LAMA1: variants seen among roughly 807,000 people sequenced by gnomAD.
LAMA1 encodes laminin subunit alpha-1.
LAMA1 carries 219 observed loss-of-function variants against 348.7 expected under a neutral mutation model. The observed-to-expected ratio is 0.63, with a 90% confidence interval of 0.56 to 0.70. The LOEUF (loss-of-function observed/expected upper bound fraction) is 0.70. Among genes scored for constraint, LAMA1 ranks in the 30% least tolerant of loss-of-function variants. LAMA1 has a pLI of 0.00. For missense variants in LAMA1, 3,744 were observed against 3,888.0 expected, an observed-to-expected ratio of 0.96 and a Z score of 0.99; for synonymous variants, 1,487 against 1,491.0, an observed-to-expected ratio of 1.00 and a Z score of 0.06.
intron 57 of LAMA1, chr18:6,954,412 G>A (rs2057564738): frequency 1.3e-5 from 2 of 152,562 alleles, no homozygotes; most frequent in Non-Finnish European, 2.9e-5. Flanking sequence ...GAAGAGGGGA[G>A]ATAGTGGTGG....
chr18:6,966,187 G>A lies in LAMA1; in HGVS notation c.7010C>T (p.Ser2337Leu). The A allele has an allele frequency of 6.2e-7, 1 of 1,614,130 alleles. No homozygotes were observed. The highest frequency in any genetic ancestry group is 1.7e-5 in the Admixed American group (1 of 60,024). Residue 2337 changes from serine (S) to leucine (L), a missense_variant, in exon 49 of 63, where the codon TCA (serine) becomes TTA (leucine). Around this residue, in one of 3 missense-constraint regions of LAMA1, gnomAD observed 1,983 missense variants for 1,934.3 expected, o/e 1.03. Transcript: ENST00000389658. The part of the protein sequence containing the change: ...TQIIMLFNTF[S>L]PNGLLLYLGS... ...CAGGTAGAGAAGAAGTCCATTAGGT[G>A]AAAAGGTATTAAAAAGCATGATTAT...
At position 7,079,834 on chromosome 18, in the gene LAMA1, T is replaced by C. The variant is rs144849141; in HGVS notation, c.345+141A>G. 338 of 707,082 alleles carry C rather than the reference T, an allele frequency of 4.8e-4. 6 individuals carry two copies. In the East Asian group the frequency reaches 8.9e-3, roughly 19 times the overall value. The allele number at this position is 707,082 out of a possible 1,614,324, so 43.8% of individuals were successfully genotyped here. ...AATGGCACCAGGGACTCCTTCTGTA[T>C]ACCACTTGCCTTCACCTGGTGGAAA... On this transcript the variant is annotated intron_variant, in intron 3 of 62. Coordinates refer to ENST00000389658, the MANE Select transcript of LAMA1 (RefSeq NM_005559.4).
At chr18:6,999,886 T>A (rs1336726030) in intron 31 of LAMA1, 25 bp downstream of exon 31, 1 of 1,593,058 alleles carries the variant, frequency 6.3e-7, no homozygotes, top group Non-Finnish European at 8.6e-7. Context: ...CCCAGGGATT[T>A]CCACATGACA....
chr18:6,973,203 CA>C lies in LAMA1; in HGVS notation c.6627del (p.Phe2209LeufsTer7). 6.2e-7 allele frequency: 1 copy of C among 1,614,006 alleles called. No homozygotes were observed. The highest frequency in any genetic ancestry group is 8.5e-7 in the Non-Finnish European group (1 of 1,179,960). ...TTTACACTCAGTGAACCAATGTTTC[CA>C]AATCTAAGGGTTACAAAGAATTGCA... is the stretch of plus-strand genomic sequence containing the variant. ...NRWHSIHVAR[F>X]GNIGSLSVKE... On this transcript the variant is annotated frameshift_variant, in exon 47 of 63. Transcript: ENST00000389658. LOFTEE classifies it high-confidence loss of function.
In LAMA1 at chr18:6,942,131, G is replaced by A. The variant is rs775726893; in HGVS notation, c.9176C>T (p.Ala3059Val). The A allele has an allele frequency of 1.5e-5, 24 of 1,614,044 alleles. No homozygotes were observed. Among genetic ancestry groups the A allele is most frequent in the South Asian group, 4.4e-5 (4 of 91,082 alleles). ...AAGGAAAACTCCGTGCAGTTCGAAC[G>A]CTCTGCTGAAGTCAAAGGACTGCAC... ...PQVQSFDFSR[A>V]FELHGVFLHS... The change falls in exon 63 of 63, where the codon GCG (alanine) becomes GTG (valine). Residue 3059 changes from alanine to valine, a missense_variant. Ala to Val is a moderately conservative substitution (Grantham distance 64). Transcript: ENST00000389658.
chr18:6,990,961 A>T (rs1033188015), intron 36 of LAMA1, among the ~76,000 whole-genome samples: 5 of 152,090 alleles, frequency 3.3e-5, no homozygotes, highest in Admixed American at 2.6e-4. Flanking sequence ...GGAAAGACTG[A>T]GATGATCACA....
chr18:6,950,778 G>T lies in LAMA1; in HGVS notation c.8397+4C>A. 6.2e-7 allele frequency: 1 copy of T among 1,613,838 alleles called. No individual in the cohort carries two copies. Among genetic ancestry groups the T allele is most frequent in the Non-Finnish European group, 8.5e-7 (1 of 1,179,880 alleles). ...CAGCCACCACAAGCCTCCTGAGATC[G>T]TACCGTGTGCCACTTGCCATCACTG... On this transcript the variant is annotated splice_donor_region_variant and intron_variant, in intron 58 of 62. Coordinates refer to ENST00000389658, the MANE Select transcript of LAMA1 (RefSeq NM_005559.4).
chr18:7,004,359 CT>C (rs889493535), intron 29 of LAMA1, among the ~76,000 whole-genome samples: 9 of 149,976 alleles, frequency 6.0e-5, no homozygotes, highest in African/African-American at 2.0e-4. Context: ...CAATCAATCA[CT>C]TTTTTTTTTG....
chr18:7,098,409 C>T (rs1389620466), intron 1 of LAMA1, among the ~76,000 whole-genome samples: 20 of 150,718 alleles, frequency 1.3e-4, no homozygotes, highest in African/African-American at 3.9e-4. Flanking sequence ...GTGAGGAGCA[C>T]CTCTTCCCGG....
intron 36 of LAMA1, 84 bp from the exon 37 acceptor site, chr18:6,986,431 G>A (rs558144861): frequency 1.1e-5 from 13 of 1,210,820 alleles, no homozygotes; most frequent in Admixed American, 7.2e-5. Context: ...AAATTTTTAC[G>A]TATTTATGCC....
At chr18:6,999,848 C>T in intron 31 of LAMA1, 63 bp downstream of exon 31, 2 of 1,444,882 alleles carry the variant, frequency 1.4e-6, no homozygotes, top group Non-Finnish European at 1.9e-6. Flanking sequence ...AGTAAATATG[C>T]CCAATACCTT....
intron 1 of LAMA1, among the ~76,000 whole-genome samples, chr18:7,101,210 C>G (rs1310213793): frequency 6.6e-6 from 1 of 152,132 alleles, no homozygotes; most frequent in African/African-American, 2.4e-5. Flanking sequence ...AAACATTAAA[C>G]TGTACACTTA....
At chr18:6,986,751 C>A (rs994102993) in intron 36 of LAMA1, among the ~76,000 whole-genome samples, 1 of 152,148 alleles carries the variant, frequency 6.6e-6, no homozygotes, top group African/African-American at 2.4e-5. Flanking sequence ...AGTCTTGAAG[C>A]TTTCAAAGCT....
At chr18:6,977,633 G>T in intron 44 of LAMA1, 94 bp downstream of exon 44, 1 of 1,446,814 alleles carries the variant, frequency 6.9e-7, no homozygotes. Context: ...GCCCTAAGGG[G>T]CGCAGTGTGA....
chr18:7,084,201 G>C (rs2058205824), intron 1 of LAMA1, among the ~76,000 whole-genome samples: 1 of 150,916 alleles, frequency 6.6e-6, no homozygotes, highest in Admixed American at 6.6e-5. Flanking sequence ...TTTTTGCCCA[G>C]ACTGGTAAAT....
At chr18:6,998,982 G>A (rs111422133) in intron 32 of LAMA1, among the ~76,000 whole-genome samples, 20,563 of 152,096 alleles carry the variant, frequency 0.14, 1,461 homozygotes, top group East Asian at 0.18. Context: ...GCAATAAGCC[G>A]AGATTGTGCT....
rs751473132 is a variant in LAMA1, at chr18:6,964,817, AC to A, written c.7196-15del. 72 of 1,614,058 alleles carry A rather than the reference AC, an allele frequency of 4.5e-5. No individual in the cohort carries two copies. Among genetic ancestry groups the A allele is most frequent in the Non-Finnish European group, 6.0e-5 (71 of 1,179,984 alleles). ...CTGCTAGCACTCCTAAAAGGAGAGC[AC>A]AGGCAAGAGATAAGAAAAGGAAAAT... On this transcript the variant is annotated splice_polypyrimidine_tract_variant and intron_variant, in intron 50 of 62. Coordinates refer to ENST00000389658, the MANE Select transcript of LAMA1 (RefSeq NM_005559.4).
intron 29 of LAMA1, among the ~76,000 whole-genome samples, chr18:7,004,671 C>T (rs1408920887): frequency 6.6e-6 from 1 of 152,124 alleles, no homozygotes; most frequent in Non-Finnish European, 1.5e-5. Context: ...TTTATGATAA[C>T]ACCAAATGCT....
At chr18:7,049,292 A>G in intron 4 of LAMA1, 35 bp from the exon 5 acceptor site, 1 of 1,520,648 alleles carries the variant, frequency 6.6e-7, no homozygotes, top group Non-Finnish European at 9.1e-7. Context: ...ATGAATGTCA[A>G]TTGTTTATTT....
Sources: allele counts gnomAD v4.1 joint callset (sites outside exome capture counted in the v4.1 genomes callset), GRCh38; gene constraint gnomAD v4.1.1; regional missense constraint gnomAD v4.1.1; transcripts MANE v1.5; gene names NCBI Gene and HGNC (gene_info 2026-07-23, HGNC 2026-07-21).